Variants in RYR3 observed in about 807,000 individuals in gnomAD.
RYR3 encodes brain ryanodine receptor-calcium release channel.
In RYR3, 207 loss-of-function variants were observed where a neutral mutation model predicts 584.3. The ratio of observed to expected loss-of-function variants is 0.35; its 90% CI spans 0.32 to 0.40. RYR3 has a LOEUF of 0.40. RYR3 is among the 10% of genes least tolerant of loss of function. The pLI, the probability that RYR3 is intolerant of heterozygous loss-of-function variation, is 1.00. For synonymous variants in RYR3, 2,416 were observed against 2,248.5 expected (o/e 1.07, Z -2.11); for missense variants, 5,616 against 6,089.2 (o/e 0.92, Z 2.59).
At chr15:33,536,647 CA>C (rs549265125) in intron 5 of RYR3, among the ~76,000 whole-genome samples, 41 of 43,388 alleles carry the variant, frequency 9.4e-4, no homozygotes, top group African/African-American at 7.0e-3. Context: ...TCTCAGAGAA[CA>C]TTAAAGATGC....
chr15:33,864,907 A>G, intron 103 of RYR3: 1 of 502,036 alleles, frequency 2.0e-6, no homozygotes, highest in East Asian at 3.1e-5. Flanking sequence ...TGTTTGGGGC[A>G]GAGGGGGATT....
At chr15:33,836,383 C>A (rs973235923) in intron 87 of RYR3, among the ~76,000 whole-genome samples, 3 of 152,038 alleles carry the variant, frequency 2.0e-5, no homozygotes, top group Non-Finnish European at 4.4e-5. Context: ...GTATCAAAAC[C>A]ATCCAGAGGA....
intron 1 of RYR3, among the ~76,000 whole-genome samples, chr15:33,396,709 T>A (rs1473663871): frequency 6.6e-6 from 1 of 152,146 alleles, no homozygotes; most frequent in Non-Finnish European, 1.5e-5. Flanking sequence ...GGAGGGCTGG[T>A]GACCCATCTG....
intron 48 of RYR3, among the ~76,000 whole-genome samples, chr15:33,734,353 C>T (rs746929073): frequency 6.6e-6 from 1 of 152,136 alleles, no homozygotes; most frequent in Non-Finnish European, 1.5e-5. Context: ...TGCACTTTGC[C>T]GCTTCAAAAG....
chr15:33,376,084 C>G (rs190670211), intron 1 of RYR3, among the ~76,000 whole-genome samples: 9 of 152,230 alleles, frequency 5.9e-5, no homozygotes, highest in Admixed American at 2.6e-4. Flanking sequence ...AGATATAGAA[C>G]ATTTCTGTAA....
chr15:33,615,713 A>G (rs2060415119), intron 19 of RYR3, among the ~76,000 whole-genome samples: 1 of 152,156 alleles, frequency 6.6e-6, no homozygotes, highest in Non-Finnish European at 1.5e-5. Flanking sequence ...TTTCATCCCA[A>G]TTCTTCCTTT....
chr15:33,831,189 C>A (rs1452060935), intron 86 of RYR3, 98 bp downstream of exon 86: 2 of 1,181,310 alleles, frequency 1.7e-6, no homozygotes, highest in African/African-American at 3.1e-5. Flanking sequence ...ACACAGTGCA[C>A]TATCCATCCA....
intron 10 of RYR3, 61 bp from the exon 11 acceptor site, chr15:33,562,776 A>C: frequency 2.4e-6 from 3 of 1,273,474 alleles, no homozygotes; most frequent in Non-Finnish European, 3.4e-6. Context: ...TTCGTTTTGT[A>C]TATTGAGCTT....
At chr15:33,847,782 GA>G (rs1199074751) in intron 93 of RYR3, among the ~76,000 whole-genome samples, 2 of 152,190 alleles carry the variant, frequency 1.3e-5, no homozygotes, top group African/African-American at 2.4e-5. Context: ...CAGAAAGACT[GA>G]ATCTTCTCAT....
At chr15:33,863,740 A>G (rs1889386275) in intron 102 of RYR3, among the ~76,000 whole-genome samples, 1 of 152,230 alleles carries the variant, frequency 6.6e-6, no homozygotes, top group Non-Finnish European at 1.5e-5. Context: ...AGACACACAC[A>G]TAATTAATTT....
chr15:33,477,324 G>T (rs2049469717), intron 2 of RYR3, among the ~76,000 whole-genome samples: 1 of 152,102 alleles, frequency 6.6e-6, no homozygotes, highest in South Asian at 2.1e-4. Context: ...GAGAAAAGGA[G>T]ATCATATGGA....
intron 21 of RYR3, among the ~76,000 whole-genome samples, chr15:33,629,035 T>C (rs2061141664): frequency 6.6e-6 from 1 of 152,228 alleles, no homozygotes; most frequent in African/African-American, 2.4e-5. Context: ...GAAGGATAGG[T>C]GAGTTCTGAA....
chr15:33,414,374 G>A (rs1408866765), intron 1 of RYR3, among the ~76,000 whole-genome samples: 1 of 152,084 alleles, frequency 6.6e-6, no homozygotes, highest in African/African-American at 2.4e-5. Flanking sequence ...AAGTTCTGGA[G>A]ACCAAAGAGA....
At chr15:33,336,753 A>G (rs1971142737) in intron 1 of RYR3, among the ~76,000 whole-genome samples, 1 of 151,770 alleles carries the variant, frequency 6.6e-6, no homozygotes, top group African/African-American at 2.4e-5. Flanking sequence ...CAATACAAGG[A>G]CTATAAAGTT....
intron 60 of RYR3, among the ~76,000 whole-genome samples, chr15:33,758,185 G>T (rs2072040532): frequency 6.6e-6 from 1 of 152,170 alleles, no homozygotes; most frequent in Non-Finnish European, 1.5e-5. Flanking sequence ...CCCCACCAGG[G>T]CCCTGGGTTT....
intron 16 of RYR3, among the ~76,000 whole-genome samples, chr15:33,588,862 G>A (rs2058987841): frequency 6.6e-6 from 1 of 152,078 alleles, no homozygotes; most frequent in African/African-American, 2.4e-5. Flanking sequence ...TTCCATTGAT[G>A]GATATGTACG....
chr15:33,405,744 C>G (rs952749523), intron 1 of RYR3, among the ~76,000 whole-genome samples: 7 of 152,204 alleles, frequency 4.6e-5, no homozygotes, highest in Admixed American at 3.9e-4. Flanking sequence ...GTTAATCGAA[C>G]TGGGTAGTCC....
rs554910825 is a variant in RYR3, at chr15:33,603,996, C to T, written c.2164+632C>T. Among the ~76,000 whole-genome samples, 5 of 152,160 alleles carry T rather than the reference C, an allele frequency of 3.3e-5. No individual in the cohort carries two copies. The South Asian group carries it at 1.0e-3, about 32-fold the overall frequency. On this transcript the variant is annotated intron_variant, in intron 18 of 103. Transcript: ENST00000634891. Reference sequence around the variant, plus strand: ...TCCCAAGCATGTCCATGGCCCGTGCCTGTGGAGGAATGTCTTGACTTCTGC... The same window carrying T: ...TCCCAAGCATGTCCATGGCCCGTGCTTGTGGAGGAATGTCTTGACTTCTGC...
chr15:33,814,716 T>A (rs931609894), intron 74 of RYR3, among the ~76,000 whole-genome samples: 1 of 151,998 alleles, frequency 6.6e-6, no homozygotes, highest in African/African-American at 2.4e-5. Flanking sequence ...CTGGCCAACA[T>A]GGTGAAACCA....
Sources: gnomAD v4.1 joint callset for allele counts (sites outside exome capture counted in the v4.1 genomes callset) on GRCh38, gnomAD v4.1.1 for gene constraint, MANE v1.5 for transcripts, NCBI Gene and HGNC (gene_info 2026-07-23, HGNC 2026-07-21) for gene names.